Variants in TOM1L1 observed in about 807,000 individuals in gnomAD.
TOM1L1 encodes TOM1-like protein 1.
TOM1L1 carries 64 observed loss-of-function variants against 63.4 expected under a neutral mutation model. That is an observed-to-expected ratio of 1.01 (90% CI 0.83 to 1.24). TOM1L1 has a LOEUF of 1.24. Among genes scored for constraint, TOM1L1 ranks in the 50% most tolerant of loss-of-function variants. The pLI, the probability that TOM1L1 is intolerant of heterozygous loss-of-function variation, is 0.00. For synonymous variants in TOM1L1, 166 were observed against 194.4 expected (o/e 0.85, Z 1.22); for missense variants, 536 against 567.0 (o/e 0.95, Z 0.55).
intron 14 of TOM1L1, among the ~76,000 whole-genome samples, chr17:54,951,213 A>G (rs2049225388): frequency 6.6e-6 from 1 of 152,174 alleles, no homozygotes; most frequent in Non-Finnish European, 1.5e-5. Flanking sequence ...GGTTTATTAT[A>G]AAGGACATTG....
intron 3 of TOM1L1, among the ~76,000 whole-genome samples, chr17:54,908,410 A>G (rs1206959080): frequency 1.3e-5 from 2 of 152,208 alleles, no homozygotes; most frequent in African/African-American, 2.4e-5. Context: ...ACGTAAGCCA[A>G]ATTTAATTAT....
intron 8 of TOM1L1, among the ~76,000 whole-genome samples, chr17:54,932,398 G>C (rs1023763361): frequency 1.3e-5 from 2 of 152,076 alleles, no homozygotes; most frequent in African/African-American, 4.8e-5. Context: ...GTCAGGGGTC[G>C]ATCTTTAACT....
chr17:54,926,101 C>T (rs532100638), intron 7 of TOM1L1, among the ~76,000 whole-genome samples: 1 of 152,320 alleles, frequency 6.6e-6, no homozygotes, highest in African/African-American at 2.4e-5. Flanking sequence ...CAATTAGATC[C>T]TGAAGCCCTA....
chr17:54,910,486 G>A (rs1002506584), intron 3 of TOM1L1, among the ~76,000 whole-genome samples: 4 of 152,132 alleles, frequency 2.6e-5, no homozygotes, highest in South Asian at 2.1e-4. Context: ...ATTGGTTTGC[G>A]AATTATTTAG....
intron 3 of TOM1L1, among the ~76,000 whole-genome samples, chr17:54,909,503 C>T (rs2048464361): frequency 6.6e-6 from 1 of 152,136 alleles, no homozygotes; most frequent in East Asian, 1.9e-4. Flanking sequence ...TTCTTCCAGC[C>T]CTCTCTTAAA....
At chr17:54,937,701 AG>A (rs2048972392) in intron 10 of TOM1L1, 1 of 152,838 alleles carries the variant, frequency 6.5e-6, no homozygotes, top group African/African-American at 2.4e-5. Context: ...TTGAAATGCC[AG>A]TTCTGCCACC....
Position 54,930,109 on chromosome 17 carries a change from A to T in TOM1L1, c.757A>T (p.Ile253Phe). The change falls in exon 8 of 16, where the codon ATC becomes TTC. Residue 253 changes from isoleucine (I) to phenylalanine (F), a missense_variant. Transcript: ENST00000575882. ...AACAGGTCGGGAGATGCAGGAGAGG[A>T]TCATGGACCTGCTTGTGGTGGTGGA... ...YKTGREMQERIMDLLVVVENE... is the reference protein window; with the variant it reads ...YKTGREMQERFMDLLVVVENE... 3 of 1,614,132 alleles carry T rather than the reference A, an allele frequency of 1.9e-6. No individual in the cohort carries two copies. Among genetic ancestry groups the T allele is most frequent in the Non-Finnish European group, 2.5e-6 (3 of 1,180,004 alleles).
rs923707760 is a variant in TOM1L1, at chr17:54,913,595, G to A, written c.373-153G>A. Among the ~76,000 whole-genome samples, 4 of 151,670 alleles carry A rather than the reference G, an allele frequency of 2.6e-5. No homozygotes were observed. In the South Asian group the frequency reaches 8.3e-4, roughly 32 times the overall value. ...GCAGGAGAATCGCTTGAACCCAGGA[G>A]GCGGAGATTGCAATGAGCAGAGATT... On this transcript the variant is annotated intron_variant, in intron 4 of 15. Transcript: ENST00000575882.
intron 14 of TOM1L1, chr17:54,952,154 A>G (rs2049265660): frequency 6.6e-6 from 1 of 152,188 alleles, no homozygotes; most frequent in Non-Finnish European, 1.5e-5. Flanking sequence ...AGATGCAGGG[A>G]CCAAACAACA....
chr17:54,931,406 C>T (rs530399706), intron 8 of TOM1L1, among the ~76,000 whole-genome samples: 2 of 152,300 alleles, frequency 1.3e-5, no homozygotes, highest in African/African-American at 4.8e-5. Flanking sequence ...GTAATTTCTT[C>T]TCTTCCTCTG....
chr17:54,946,894 A>G (rs1158478581), intron 11 of TOM1L1, among the ~76,000 whole-genome samples: 1 of 152,190 alleles, frequency 6.6e-6, no homozygotes, highest in African/African-American at 2.4e-5. Context: ...GGAGAGACAG[A>G]GTGCAGTACG....
intron 8 of TOM1L1, among the ~76,000 whole-genome samples, chr17:54,935,754 C>G (rs1333462036): frequency 6.6e-6 from 1 of 152,120 alleles, no homozygotes; most frequent in East Asian, 1.9e-4. Flanking sequence ...CTCCTTTACT[C>G]TCAGTGGACA....
intron 7 of TOM1L1, among the ~76,000 whole-genome samples, chr17:54,920,367 A>AT (rs533604214): frequency 4.6e-5 from 7 of 151,644 alleles, no homozygotes; most frequent in South Asian, 2.1e-4. Flanking sequence ...AATATTCACA[A>AT]TTTTTTTTTA....
chr17:54,913,877 G>C lies in TOM1L1; in HGVS notation c.498+4G>C, dbSNP rs543138509. ...GGCTGAAACAGCAAGACAAGAGGTA[G>C]GAGGCCTTTCTTTGACCCATGGAGA... is the stretch of plus-strand genomic sequence containing the variant. On this transcript the variant is annotated splice_donor_region_variant and intron_variant, in intron 5 of 15. Transcript: ENST00000575882. 6.2e-7 allele frequency: 1 copy of C among 1,604,606 alleles called. No individual in the cohort carries two copies. The highest frequency in any genetic ancestry group is 1.1e-5 in the South Asian group (1 of 90,850).
At chr17:54,943,821 A>G (rs1006418657) in intron 11 of TOM1L1, among the ~76,000 whole-genome samples, 1 of 151,890 alleles carries the variant, frequency 6.6e-6, no homozygotes, top group African/African-American at 2.4e-5. Flanking sequence ...TACTACAAAT[A>G]CAAAAAATTA....
At position 54,913,999 on chromosome 17, in the gene TOM1L1, G is replaced by T. The variant is rs561789986; in HGVS notation, c.498+126G>T. 50 of 1,100,812 alleles carry T rather than the reference G, an allele frequency of 4.5e-5. No homozygotes were observed. The Middle Eastern group carries it at 1.5e-3, about 34-fold the overall frequency. The allele number at this position is 1,100,812 out of a possible 1,614,324, so 68.2% of individuals were successfully genotyped here. On this transcript the variant is annotated intron_variant, in intron 5 of 15. Transcript: ENST00000575882. ...AAGATGAAGTTATTAGAAGGATATT[G>T]CAATATCTCATAGAATAACCGAGAC...
chr17:54,938,869 G>A, intron 10 of TOM1L1, 55 bp from the exon 11 acceptor site: 2 of 1,010,264 alleles, frequency 2.0e-6, no homozygotes, highest in Non-Finnish European at 2.9e-6. Flanking sequence ...AGAAAATCCA[G>A]CATAACTGAC....
intron 7 of TOM1L1, chr17:54,917,341 A>C (rs1346767964): frequency 6.6e-6 from 1 of 152,006 alleles, no homozygotes; most frequent in Non-Finnish European, 1.5e-5. Context: ...TCATTTCTTC[A>C]TTCTAAGTTC....
At chr17:54,912,856 G>T in intron 4 of TOM1L1, 41 bp downstream of exon 4, 1 of 1,470,304 alleles carries the variant, frequency 6.8e-7, no homozygotes, top group Non-Finnish European at 9.0e-7. Flanking sequence ...AAATTTCTAA[G>T]ATTAGGGATT....
Sources: gnomAD v4.1 joint callset for allele counts (sites outside exome capture counted in the v4.1 genomes callset) on GRCh38, gnomAD v4.1.1 for gene constraint, MANE v1.5 for transcripts, NCBI Gene and HGNC (gene_info 2026-07-23, HGNC 2026-07-21) for gene names.